The following ARHGAP15 variants were observed in gnomAD, a reference collection of about 807,000 sequenced individuals.
ARHGAP15 encodes the protein Rho GTPase activating protein 15, also known as rho GTPase-activating protein 15.
Under a neutral mutation model 63.7 loss-of-function variants are expected in ARHGAP15, and 51 were observed. The ratio of observed to expected loss-of-function variants is 0.80; its 90% CI spans 0.64 to 1.01. The LOEUF is 1.01. Among genes scored for constraint, ARHGAP15 ranks in the 50% least tolerant of loss-of-function variants. The probability of loss-of-function intolerance (pLI) is 0.00; values close to 1 mark genes in which losing one functional copy is unlikely to be tolerated. For synonymous variants in ARHGAP15, 191 were observed against 193.8 expected (o/e 0.99, Z 0.12); for missense variants, 560 against 564.6 (o/e 0.99, Z 0.08).
intron 9 of ARHGAP15, among the ~76,000 whole-genome samples, chr2:143,505,095 G>C (rs1404096395): frequency 1.3e-5 from 2 of 152,138 alleles, no homozygotes; most frequent in African/African-American, 4.8e-5. Context: ...TAGTCCCTGG[G>C]ACTTAGCCAG....
intron 6 of ARHGAP15, among the ~76,000 whole-genome samples, chr2:143,324,586 G>A (rs1329412725): frequency 6.6e-6 from 1 of 152,178 alleles, no homozygotes; most frequent in Non-Finnish European, 1.5e-5. Context: ...TTCTGTACTT[G>A]AACGTACAGG....
At chr2:143,622,964 A>T (rs1009046115) in intron 11 of ARHGAP15, among the ~76,000 whole-genome samples, 1 of 152,134 alleles carries the variant, frequency 6.6e-6, no homozygotes, top group Non-Finnish European at 1.5e-5. Flanking sequence ...TCCAAGGGAC[A>T]TGTGAATGCG....
chr2:143,586,679 T>A (rs918909267), intron 11 of ARHGAP15, among the ~76,000 whole-genome samples: 1 of 78,384 alleles, frequency 1.3e-5, no homozygotes, highest in Admixed American at 1.0e-4. Flanking sequence ...ATGTAAATAT[T>A]TTTTTTTTAA....
chr2:143,229,355 C>A (rs1005851424), intron 5 of ARHGAP15, among the ~76,000 whole-genome samples: 2 of 152,162 alleles, frequency 1.3e-5, no homozygotes, highest in African/African-American at 4.8e-5. Flanking sequence ...AATACAATTT[C>A]TGTATCCTGT....
At chr2:143,260,843 C>T (rs888578250) in intron 6 of ARHGAP15, among the ~76,000 whole-genome samples, 1 of 152,066 alleles carries the variant, frequency 6.6e-6, no homozygotes, top group African/African-American at 2.4e-5. Context: ...TGGCTCGATT[C>T]CCCATCCTTC....
intron 13 of ARHGAP15, among the ~76,000 whole-genome samples, chr2:143,711,504 T>C (rs1028359229): frequency 9.9e-5 from 15 of 152,074 alleles, no homozygotes; most frequent in Non-Finnish European, 1.6e-4. Context: ...GGTAAAGAAA[T>C]GGTGAGTCCT....
chr2:143,341,906 T>C (rs1196453226), intron 6 of ARHGAP15, among the ~76,000 whole-genome samples: 2 of 152,164 alleles, frequency 1.3e-5, no homozygotes, highest in Non-Finnish European at 2.9e-5. Context: ...TGTTTCAAAA[T>C]ATAACTTGCT....
intron 8 of ARHGAP15, among the ~76,000 whole-genome samples, chr2:143,464,705 G>T (rs1691119508): frequency 6.6e-6 from 1 of 152,130 alleles, no homozygotes; most frequent in Admixed American, 6.6e-5. Flanking sequence ...AGAAGTTTGT[G>T]TTGGAGGATA....
chr2:143,135,905 A>G (rs201179808), intron 1 of ARHGAP15, among the ~76,000 whole-genome samples: 2 of 152,240 alleles, frequency 1.3e-5, no homozygotes, highest in East Asian at 3.9e-4. Flanking sequence ...TTATCTATAT[A>G]CTAATTATAT....
At chr2:143,498,730 T>G (rs1692928729) in intron 9 of ARHGAP15, among the ~76,000 whole-genome samples, 1 of 152,200 alleles carries the variant, frequency 6.6e-6, no homozygotes, top group South Asian at 2.1e-4. Flanking sequence ...TTGATCTTGT[T>G]TGAATACTCC....
intron 2 of ARHGAP15, among the ~76,000 whole-genome samples, chr2:143,168,151 A>C (rs1423240268): frequency 6.6e-6 from 1 of 152,070 alleles, no homozygotes; most frequent in Non-Finnish European, 1.5e-5. Flanking sequence ...ATTTGGACTT[A>C]ATTTCAATTA....
intron 6 of ARHGAP15, among the ~76,000 whole-genome samples, chr2:143,377,631 T>C (rs1686875429): frequency 6.6e-6 from 1 of 152,016 alleles, no homozygotes; most frequent in Non-Finnish European, 1.5e-5. Flanking sequence ...ATTTAATTTC[T>C]ATGAAGTTTA....
chr2:143,636,677 T>G (rs1680333185), intron 12 of ARHGAP15, among the ~76,000 whole-genome samples: 2 of 152,174 alleles, frequency 1.3e-5, no homozygotes, highest in South Asian at 4.1e-4. Context: ...GTGTAACCCG[T>G]AGAGCCTGTT....
chr2:143,226,216 A>G (rs866361093), intron 4 of ARHGAP15, among the ~76,000 whole-genome samples: 1 of 152,228 alleles, frequency 6.6e-6, no homozygotes, highest in Non-Finnish European at 1.5e-5. Flanking sequence ...ATGCAACTTC[A>G]GCTCTAACCA....
In ARHGAP15 at chr2:143,174,881, CAA is replaced by C. The variant is rs1183647490; in HGVS notation, c.165+19227_165+19228del. 3.9e-5 allele frequency among the ~76,000 whole-genome samples: 6 copies of C among 151,996 alleles called. No homozygotes were observed. The East Asian group carries it at 1.2e-3, about 29-fold the overall frequency. ...ACAATGTATCCCGAAAAAATATTAA[CAA>C]TATTTTTGTAATTGATCAAATGGGA... On this transcript the variant is annotated intron_variant, in intron 2 of 13. Coordinates refer to ENST00000295095, the MANE Select transcript of ARHGAP15 (RefSeq NM_018460.4).
At chr2:143,173,358 T>C (rs1558793097) in intron 2 of ARHGAP15, among the ~76,000 whole-genome samples, 2 of 152,220 alleles carry the variant, frequency 1.3e-5, no homozygotes, top group South Asian at 4.1e-4. Context: ...GAGATTGTTA[T>C]ATATTGTAAA....
chr2:143,372,244 A>T (rs1253689291), intron 6 of ARHGAP15, among the ~76,000 whole-genome samples: 1 of 150,240 alleles, frequency 6.7e-6, no homozygotes, highest in East Asian at 2.0e-4. Context: ...CGGAAGGAAG[A>T]GGTGGGAGGA....
intron 12 of ARHGAP15, among the ~76,000 whole-genome samples, chr2:143,642,442 A>T (rs1247369404): frequency 6.6e-6 from 1 of 151,930 alleles, no homozygotes. Context: ...AATGTTTTCT[A>T]AAAAAAATCA....
intron 12 of ARHGAP15, among the ~76,000 whole-genome samples, chr2:143,685,456 T>C (rs528301404): frequency 7.0e-4 from 107 of 152,320 alleles, no homozygotes; most frequent in African/African-American, 2.4e-3. Flanking sequence ...GCAAGTTCCA[T>C]TGGGAATTAC....
Sources: gnomAD v4.1 joint callset for allele counts (sites outside exome capture counted in the v4.1 genomes callset) on GRCh38, gnomAD v4.1.1 for gene constraint, MANE v1.5 for transcripts, NCBI Gene and HGNC (gene_info 2026-07-23, HGNC 2026-07-21) for gene names.